Variants in YWHAQ observed in about 807,000 individuals in gnomAD.
YWHAQ encodes 14-3-3 protein theta.
In YWHAQ, 6 loss-of-function variants were observed where a neutral mutation model predicts 28.3. The ratio of observed to expected loss-of-function variants is 0.21; its 90% CI spans 0.12 to 0.42. YWHAQ has a LOEUF of 0.42. Ranked by LOEUF, YWHAQ falls within the 10% of genes least tolerant of loss-of-function variation. The pLI is 1.00. For synonymous variants in YWHAQ, 143 were observed against 119.1 expected (o/e 1.20, Z -1.31); for missense variants, 201 against 305.6 (o/e 0.66, Z 2.55).
chr2:9,624,790 A>G (rs1176444130), intron 2 of YWHAQ, among the ~76,000 whole-genome samples: 1 of 151,750 alleles, frequency 6.6e-6, no homozygotes, highest in East Asian at 2.0e-4. Context: ...TCTGTCGCCT[A>G]GGCTGGAGTG....
At chr2:9,618,357 A>G (rs1036072474) in intron 2 of YWHAQ, among the ~76,000 whole-genome samples, 1 of 152,242 alleles carries the variant, frequency 6.6e-6, no homozygotes, top group African/African-American at 2.4e-5. Flanking sequence ...TCTGCAACTA[A>G]GCCAAATTAT....
intron 5 of YWHAQ, among the ~76,000 whole-genome samples, chr2:9,586,859 A>C (rs1251431102): frequency 6.6e-6 from 1 of 152,244 alleles, no homozygotes; most frequent in African/African-American, 2.4e-5. Flanking sequence ...AGTAAAGCTT[A>C]AGCTGTACTT....
chr2:9,602,849 AAAAAAAAAAAAAAATATATATATATATAT>A (rs1666732013), intron 2 of YWHAQ, among the ~76,000 whole-genome samples: 1 of 16,804 alleles, frequency 6.0e-5, no homozygotes, highest in African/African-American at 2.0e-4. Flanking sequence ...AAAAAAAAAA[AAAAAAAAAAAAAAATATATATATATATAT>A]ATATATATAT....
intron 2 of YWHAQ, among the ~76,000 whole-genome samples, chr2:9,618,391 TA>T (rs1667075443): frequency 6.6e-6 from 1 of 152,240 alleles, no homozygotes; most frequent in African/African-American, 2.4e-5. Context: ...CTTTGAAACT[TA>T]AGGAAAGGAG....
chr2:9,611,483 T>C (rs995919115), intron 2 of YWHAQ, among the ~76,000 whole-genome samples: 5 of 152,168 alleles, frequency 3.3e-5, no homozygotes, highest in Non-Finnish European at 7.3e-5. Context: ...CACCCTGGTA[T>C]AGCTCACAAA....
intron 2 of YWHAQ, among the ~76,000 whole-genome samples, chr2:9,614,342 CTT>C (rs1167769196): frequency 2.0e-5 from 3 of 152,214 alleles, no homozygotes; most frequent in Admixed American, 2.0e-4. Flanking sequence ...TCTATACACA[CTT>C]TCTTCCCCTT....
chr2:9,600,186 C>G (rs973335424), intron 2 of YWHAQ, among the ~76,000 whole-genome samples: 1 of 152,160 alleles, frequency 6.6e-6, no homozygotes, highest in Non-Finnish European at 1.5e-5. Flanking sequence ...AAAACTTGAA[C>G]AGATGAGAAC....
intron 2 of YWHAQ, among the ~76,000 whole-genome samples, chr2:9,616,851 A>G (rs2125071713): frequency 6.6e-6 from 1 of 152,368 alleles, no homozygotes; most frequent in Non-Finnish European, 1.5e-5. Flanking sequence ...AAATGAAAAC[A>G]TGCCCAAGCA....
chr2:9,600,810 C>T (rs1408637875), intron 2 of YWHAQ, among the ~76,000 whole-genome samples: 6 of 152,184 alleles, frequency 3.9e-5, no homozygotes, highest in African/African-American at 9.6e-5. Context: ...CCACGGCCAC[C>T]CCCAACCAGT....
At chr2:9,591,843 G>T (rs548303724) in intron 2 of YWHAQ, among the ~76,000 whole-genome samples, 1 of 152,196 alleles carries the variant, frequency 6.6e-6, no homozygotes, top group Non-Finnish European at 1.5e-5. Flanking sequence ...GTGCTATAAC[G>T]GATATAGAGA....
At chr2:9,607,351 A>G (rs4669400) in intron 2 of YWHAQ, among the ~76,000 whole-genome samples, 90,271 of 150,864 alleles carry the variant, frequency 0.6, 29,027 homozygotes, top group African/African-American at 0.82. Context: ...ACAGGCACAT[A>G]CCACCATGCC....
chr2:9,585,592 G>C (rs1290631343), intron 5 of YWHAQ, among the ~76,000 whole-genome samples: 1 of 152,060 alleles, frequency 6.6e-6, no homozygotes, highest in Non-Finnish European at 1.5e-5. Context: ...CTGGAGCATG[G>C]TTTTATAGCT....
intron 2 of YWHAQ, among the ~76,000 whole-genome samples, chr2:9,602,862 A>AATATATAT (rs71413909): frequency 8.1e-3 from 167 of 20,674 alleles, no homozygotes; most frequent in South Asian, 0.014. Flanking sequence ...AAAAAAAAAA[A>AATATATAT]ATATATATAT....
chr2:9,605,271 G>T (rs1480613335), intron 2 of YWHAQ, among the ~76,000 whole-genome samples: 1 of 151,534 alleles, frequency 6.6e-6, no homozygotes, highest in African/African-American at 2.4e-5. Flanking sequence ...CCAAGTAGCT[G>T]GGACCACAGG....
intron 2 of YWHAQ, among the ~76,000 whole-genome samples, chr2:9,609,201 TA>T (rs1459847911): frequency 1.3e-5 from 2 of 152,158 alleles, no homozygotes; most frequent in African/African-American, 4.8e-5. Flanking sequence ...AAAAAGATTT[TA>T]AAAGAAAAAC....
At chr2:9,589,563 A>G (rs373648429) in intron 3 of YWHAQ, among the ~76,000 whole-genome samples, 3 of 152,174 alleles carry the variant, frequency 2.0e-5, no homozygotes, top group East Asian at 1.9e-4. Context: ...AACCTGGGCA[A>G]CAAGAGCAAA....
intron 2 of YWHAQ, among the ~76,000 whole-genome samples, chr2:9,599,863 C>T: frequency 6.6e-6 from 1 of 152,160 alleles, no homozygotes; most frequent in Non-Finnish European, 1.5e-5. Flanking sequence ...TTAAGAAATA[C>T]ATTTCGTAAG....
At chr2:9,594,768 C>T (rs753011347) in intron 2 of YWHAQ, among the ~76,000 whole-genome samples, 1 of 152,132 alleles carries the variant, frequency 6.6e-6, no homozygotes, top group Non-Finnish European at 1.5e-5. Flanking sequence ...TTTGTAAGAG[C>T]AGGGGCTGAG....
chr2:9,609,278 C>T (rs1312680086), intron 2 of YWHAQ, among the ~76,000 whole-genome samples: 1 of 151,258 alleles, frequency 6.6e-6, no homozygotes, highest in African/African-American at 2.4e-5. Flanking sequence ...GTGGGAGAAG[C>T]GGAAGGGCTT....
Sources: gnomAD v4.1 joint callset for allele counts (sites outside exome capture counted in the v4.1 genomes callset) on GRCh38, gnomAD v4.1.1 for gene constraint, MANE v1.5 for transcripts, NCBI Gene and HGNC (gene_info 2026-07-23, HGNC 2026-07-21) for gene names.